AOPEP: variants seen among roughly 807,000 people sequenced by gnomAD.
AOPEP encodes aminopeptidase O.
A neutral mutation model predicts 98.1 loss-of-function variants in AOPEP; 77 were observed. The observed-to-expected ratio is 0.78, with a 90% confidence interval of 0.65 to 0.95. AOPEP has a LOEUF of 0.95. Ranked by LOEUF, AOPEP falls within the 40% of genes least tolerant of loss-of-function variation. AOPEP has a pLI of 0.00. For synonymous variants in AOPEP, 346 were observed against 365.3 expected, an observed-to-expected ratio of 0.95 and a Z score of 0.60; for missense variants, 1,024 against 1,024.7, an observed-to-expected ratio of 1.00 and a Z score of 0.01.
At chr9:95,009,710 C>T (rs2062345983) in intron 13 of AOPEP, among the ~76,000 whole-genome samples, 1 of 152,114 alleles carries the variant, frequency 6.6e-6, no homozygotes, top group Non-Finnish European at 1.5e-5. Context: ...AACAACAGCG[C>T]ACTTCAATGT....
At chr9:95,149,172 AC>A in the AOPEP span, among the ~76,000 whole-genome samples, 7 of 152,162 alleles carry the variant, frequency 4.6e-5, no homozygotes, top group African/African-American at 1.7e-4. Flanking sequence ...AGTAACAAAC[AC>A]ATTTTTAAAA....
At chr9:94,897,193 T>C (rs1191726038) in intron 5 of AOPEP, among the ~76,000 whole-genome samples, 1 of 152,134 alleles carries the variant, frequency 6.6e-6, no homozygotes, top group African/African-American at 2.4e-5. Context: ...TATAAAGATA[T>C]ATTAATCAGA....
intron 5 of AOPEP, among the ~76,000 whole-genome samples, chr9:94,856,024 T>G (rs2044168340): frequency 6.6e-6 from 1 of 152,158 alleles, no homozygotes; most frequent in Non-Finnish European, 1.5e-5. Flanking sequence ...ACACCCTATG[T>G]TCTATCTACT....
At chr9:95,132,521 C>T in the AOPEP span, among the ~76,000 whole-genome samples, 1 of 152,194 alleles carries the variant, frequency 6.6e-6, no homozygotes, top group Non-Finnish European at 1.5e-5. Context: ...TGAAAAGTTT[C>T]AGTCTGTACA....
intron 13 of AOPEP, among the ~76,000 whole-genome samples, chr9:95,055,911 A>G (rs1414387455): frequency 1.3e-5 from 2 of 149,770 alleles, no homozygotes; most frequent in Non-Finnish European, 3.0e-5. Flanking sequence ...TGTTCCATGT[A>G]AACAGTTCCC....
intron 7 of AOPEP, among the ~76,000 whole-genome samples, chr9:94,951,356 G>GC: frequency 7.0e-6 from 1 of 142,064 alleles, no homozygotes; most frequent in East Asian, 2.1e-4. Context: ...CCTGGATCTT[G>GC]GGGGGGCCCC....
intron 14 of AOPEP, among the ~76,000 whole-genome samples, chr9:95,069,579 A>G (rs1188957286): frequency 6.6e-6 from 1 of 152,160 alleles, no homozygotes; most frequent in Non-Finnish European, 1.5e-5. Context: ...GTGTTATTAA[A>G]TAAAAGAGCC....
chr9:94,959,045 A>ATGTTTTTGTTTT lies in AOPEP; in HGVS notation c.1872+3032_1872+3043dup, dbSNP rs1271144037. 8.4e-4 allele frequency among the ~76,000 whole-genome samples: 125 copies of ATGTTTTTGTTTT among 148,266 alleles called. 1 individual carries two copies. Among genetic ancestry groups the ATGTTTTTGTTTT allele is most frequent in the African/African-American group, 3.2e-3 (120 of 38,022 alleles). On this transcript the variant is annotated intron_variant, in intron 9 of 16. Coordinates refer to ENST00000375315, the MANE Select transcript of AOPEP (RefSeq NM_001193329.3). ...TAGTCCTCTAATCTGTTTTGAATTA[A>ATGTTTTTGTTTT]TGTTTTTGTTTTTTTTGAAATGGAG...
At chr9:95,095,053 TGCCAG>T in the AOPEP span, among the ~76,000 whole-genome samples, 31 of 152,250 alleles carry the variant, frequency 2.0e-4, no homozygotes, top group Admixed American at 1.8e-3. Flanking sequence ...AGGAGAGTGC[TGCCAG>T]GAACATGGCG....
At chr9:95,075,925 T>C (rs1317338156) in intron 14 of AOPEP, among the ~76,000 whole-genome samples, 1 of 152,202 alleles carries the variant, frequency 6.6e-6, no homozygotes, top group African/African-American at 2.4e-5. Flanking sequence ...ATAGAATGCC[T>C]AAGCTGCCCC....
intron 5 of AOPEP, 129 bp downstream of exon 5, chr9:94,801,131 G>A: frequency 9.1e-7 from 1 of 1,099,446 alleles, no homozygotes; most frequent in Non-Finnish European, 1.3e-6. Context: ...GCTCATGCTT[G>A]GACATCTCAT....
At chr9:95,072,273 G>C (rs1020730845) in intron 14 of AOPEP, among the ~76,000 whole-genome samples, 7 of 152,242 alleles carry the variant, frequency 4.6e-5, no homozygotes, top group Admixed American at 4.6e-4. Flanking sequence ...AAGGCCAAAA[G>C]TGCTCAATAT....
chr9:94,957,288 A>AC (rs1365624528), intron 9 of AOPEP, among the ~76,000 whole-genome samples: 2 of 151,902 alleles, frequency 1.3e-5, no homozygotes, highest in African/African-American at 4.8e-5. Flanking sequence ...GCTCACTGCA[A>AC]CCTCCACCTC....
intron 5 of AOPEP, among the ~76,000 whole-genome samples, chr9:94,804,353 G>A (rs1036036947): frequency 1.3e-5 from 2 of 152,268 alleles, no homozygotes; most frequent in East Asian, 1.9e-4. Context: ...CCTAGCTGTC[G>A]TCCATATATG....
At chr9:95,120,256 T>C in the AOPEP span, among the ~76,000 whole-genome samples, 1 of 152,210 alleles carries the variant, frequency 6.6e-6, no homozygotes, top group Non-Finnish European at 1.5e-5. Context: ...CCAGCATCAT[T>C]TGTTGAAAAC....
intron 7 of AOPEP, chr9:94,933,099 G>A (rs569062963): frequency 1.9e-4 from 189 of 985,762 alleles, no homozygotes; most frequent in Non-Finnish European, 2.2e-4. Flanking sequence ...CCCAGGCAAA[G>A]TCTGATTTCA....
At chr9:95,099,425 C>T in the AOPEP span, 4 of 226,784 alleles carry the variant, frequency 1.8e-5, no homozygotes, top group South Asian at 1.9e-4. Flanking sequence ...AAGGCCCCCT[C>T]GGCCACGCCG....
chr9:95,098,613 C>T, the AOPEP span, among the ~76,000 whole-genome samples: 111 of 152,242 alleles, frequency 7.3e-4, 1 homozygote, highest in Admixed American at 5.8e-3. Context: ...TCGCCTTGGC[C>T]GCATCACTCA....
intron 13 of AOPEP, among the ~76,000 whole-genome samples, chr9:95,034,456 A>T (rs752966344): frequency 2.6e-5 from 4 of 152,226 alleles, no homozygotes; most frequent in Non-Finnish European, 5.9e-5. Flanking sequence ...GGTCATTTAG[A>T]TGAGAGGATT....
Sources: gnomAD v4.1 joint callset for allele counts (sites outside exome capture counted in the v4.1 genomes callset) on GRCh38, gnomAD v4.1.1 for gene constraint, MANE v1.5 for transcripts, NCBI Gene and HGNC (gene_info 2026-07-23, HGNC 2026-07-21) for gene names.